ARHGEF38: variants seen among roughly 807,000 people sequenced by gnomAD.
The protein encoded by ARHGEF38 is Rho guanine nucleotide exchange factor (GEF) 38.
In ARHGEF38, 79 loss-of-function variants were observed where a neutral mutation model predicts 79.9. That is an observed-to-expected ratio of 0.99 (90% CI 0.82 to 1.19). The LOEUF (loss-of-function observed/expected upper bound fraction) is 1.19, where lower values mean the gene tolerates loss of function less well. ARHGEF38 is among the 50% of genes most tolerant of loss of function. The pLI, the probability that ARHGEF38 is intolerant of heterozygous loss-of-function variation, is 0.00. For missense variants in ARHGEF38, 962 were observed against 907.2 expected (o/e 1.06, Z -0.78); for synonymous variants, 366 against 328.3 (o/e 1.11, Z -1.24).
intron 1 of ARHGEF38, among the ~76,000 whole-genome samples, chr4:105,556,793 A>G (rs1265049773): frequency 2.0e-5 from 3 of 152,196 alleles, no homozygotes; most frequent in African/African-American, 7.2e-5. Context: ...GAAAGACACC[A>G]TGGCCTGAAA....
chr4:105,632,292 T>G (rs1729229343), intron 4 of ARHGEF38, among the ~76,000 whole-genome samples: 1 of 152,208 alleles, frequency 6.6e-6, no homozygotes, highest in South Asian at 2.1e-4. Flanking sequence ...TAAGCATTTA[T>G]TTAGTGTTTG....
At chr4:105,582,300 AT>A (rs55720949) in intron 1 of ARHGEF38, among the ~76,000 whole-genome samples, 21,603 of 138,460 alleles carry the variant, frequency 0.16, 1,943 homozygotes, top group African/African-American at 0.27. Flanking sequence ...GGCTTATTGT[AT>A]TTTTTTTTTT....
intron 1 of ARHGEF38, among the ~76,000 whole-genome samples, chr4:105,572,613 A>C (rs1007591010): frequency 6.6e-6 from 1 of 152,122 alleles, no homozygotes. Flanking sequence ...TATTCTAAGT[A>C]CCTCATACAA....
intron 2 of ARHGEF38, among the ~76,000 whole-genome samples, chr4:105,611,812 C>A (rs1728306560): frequency 6.6e-6 from 1 of 151,990 alleles, no homozygotes; most frequent in South Asian, 2.1e-4. Flanking sequence ...TAGACAATTT[C>A]AGAATACATA....
chr4:105,611,070 C>T lies in ARHGEF38; in HGVS notation c.385-2314C>T, dbSNP rs915699597. On this transcript the variant is annotated intron_variant, in intron 2 of 13. Coordinates refer to ENST00000420470, the MANE Select transcript of ARHGEF38 (RefSeq NM_001242729.2). ...AGTTTGAGCATGGCTCCTTTCTTCA[C>T]CCTGCATTATTTTCTGTATCTTCAA... Among the ~76,000 whole-genome samples, 75 of 152,092 alleles carry T rather than the reference C, an allele frequency of 4.9e-4. 1 individual carries two copies. Among genetic ancestry groups the T allele is most frequent in the Non-Finnish European group, 1.2e-4 (8 of 67,996 alleles).
intron 3 of ARHGEF38, among the ~76,000 whole-genome samples, chr4:105,624,726 G>A (rs1210021896): frequency 2.6e-5 from 4 of 152,244 alleles, no homozygotes; most frequent in African/African-American, 9.6e-5. Context: ...TGGCATTTGG[G>A]CTGGCGAATC....
At chr4:105,624,482 C>T (rs1296326817) in intron 3 of ARHGEF38, among the ~76,000 whole-genome samples, 1 of 152,090 alleles carries the variant, frequency 6.6e-6, no homozygotes, top group Non-Finnish European at 1.5e-5. Flanking sequence ...CACCTGCTGC[C>T]TGTATTTGGT....
At chr4:105,591,224 A>AT (rs1479425354) in intron 2 of ARHGEF38, among the ~76,000 whole-genome samples, 2 of 151,908 alleles carry the variant, frequency 1.3e-5, no homozygotes, top group Non-Finnish European at 2.9e-5. Context: ...CTCTTCTCAG[A>AT]TTTTTTTGTT....
intron 8 of ARHGEF38, among the ~76,000 whole-genome samples, chr4:105,654,689 G>C (rs1271267690): frequency 6.6e-6 from 1 of 152,126 alleles, no homozygotes; most frequent in African/African-American, 2.4e-5. Context: ...GACCCTTTGA[G>C]AATCACTGAT....
intron 13 of ARHGEF38, among the ~76,000 whole-genome samples, chr4:105,677,247 G>A (rs1259324816): frequency 1.3e-5 from 2 of 152,184 alleles, no homozygotes; most frequent in Non-Finnish European, 2.9e-5. Flanking sequence ...ACAGGCGTGA[G>A]CCACCGCGCC....
At chr4:105,631,530 C>A (rs1417520030) in intron 4 of ARHGEF38, 1 of 985,370 alleles carries the variant, frequency 1.0e-6, no homozygotes, top group Non-Finnish European at 1.2e-6. Flanking sequence ...AGTTTCAGAA[C>A]AATTACTCAT....
intron 13 of ARHGEF38, among the ~76,000 whole-genome samples, chr4:105,668,776 G>T (rs1730860035): frequency 6.6e-6 from 1 of 152,146 alleles, no homozygotes; most frequent in Admixed American, 6.5e-5. Flanking sequence ...AGCTGGGCTT[G>T]GTGGCTCATG....
At chr4:105,653,751 C>T (rs1578350786) in intron 7 of ARHGEF38, among the ~76,000 whole-genome samples, 4 of 152,290 alleles carry the variant, frequency 2.6e-5, no homozygotes, top group Non-Finnish European at 5.9e-5. Context: ...GGTTTGCGTA[C>T]ATACATAATA....
At chr4:105,609,644 C>T (rs1728200321) in intron 2 of ARHGEF38, among the ~76,000 whole-genome samples, 1 of 151,946 alleles carries the variant, frequency 6.6e-6, no homozygotes. Flanking sequence ...CCCTGAAGCG[C>T]CAAAGCAACC....
chr4:105,625,397 A>G (rs928405733), intron 3 of ARHGEF38, among the ~76,000 whole-genome samples: 1 of 152,236 alleles, frequency 6.6e-6, no homozygotes, highest in Non-Finnish European at 1.5e-5. Flanking sequence ...CATTACTAGC[A>G]TAATAAGACA....
At chr4:105,589,865 C>T (rs917947067) in intron 2 of ARHGEF38, among the ~76,000 whole-genome samples, 2 of 151,844 alleles carry the variant, frequency 1.3e-5, no homozygotes, top group South Asian at 4.2e-4. Flanking sequence ...AACCTCATCT[C>T]TACAAAATTA....
chr4:105,663,109 A>T (rs1157152585), intron 10 of ARHGEF38, among the ~76,000 whole-genome samples: 1 of 152,160 alleles, frequency 6.6e-6, no homozygotes, highest in African/African-American at 2.4e-5. Context: ...CAACCCTCAC[A>T]CAGCTTACCC....
intron 1 of ARHGEF38, among the ~76,000 whole-genome samples, chr4:105,574,745 T>A (rs1009337653): frequency 6.6e-6 from 1 of 152,104 alleles, no homozygotes; most frequent in African/African-American, 2.4e-5. Context: ...TTTCTATAGC[T>A]TTTGGGGTAC....
At chr4:105,591,321 C>T (rs1405966905) in intron 2 of ARHGEF38, among the ~76,000 whole-genome samples, 2 of 152,108 alleles carry the variant, frequency 1.3e-5, no homozygotes, top group South Asian at 2.1e-4. Context: ...CTCCGCCTCC[C>T]GGGTTCATGC....
Sources: gnomAD v4.1 joint callset for allele counts (sites outside exome capture counted in the v4.1 genomes callset) on GRCh38, gnomAD v4.1.1 for gene constraint, MANE v1.5 for transcripts, NCBI Gene and HGNC (gene_info 2026-07-23, HGNC 2026-07-21) for gene names.